The following GALNS variants were observed in gnomAD, a reference collection of about 807,000 sequenced individuals.
GALNS encodes N-acetylgalactosamine-6-sulfatase.
Under a neutral mutation model 65.9 loss-of-function variants are expected in GALNS, and 65 were observed. The ratio of observed to expected loss-of-function variants is 0.99; its 90% CI spans 0.81 to 1.21. GALNS has a LOEUF of 1.21. GALNS is among the 50% of genes most tolerant of loss of function. GALNS has a pLI of 0.00. For synonymous variants in GALNS, 346 were observed against 288.9 expected, an observed-to-expected ratio of 1.20 and a Z score of -2.00; for missense variants, 776 against 700.7, an observed-to-expected ratio of 1.11 and a Z score of -1.21.
chr16:88,852,014 C>T (rs966332184), intron 1 of GALNS, among the ~76,000 whole-genome samples: 3 of 152,210 alleles, frequency 2.0e-5, no homozygotes, highest in Admixed American at 6.5e-5. Flanking sequence ...GTGGTTCTCC[C>T]GGCACAGTGT....
chr16:88,816,798 G>T (rs1909673793), intron 13 of GALNS: 2 of 985,358 alleles, frequency 2.0e-6, no homozygotes, highest in South Asian at 9.4e-5. Flanking sequence ...GCTTCAGCTG[G>T]GCCTTTTCGC....
chr16:88,853,226 G>A (rs1967590047), intron 1 of GALNS, among the ~76,000 whole-genome samples: 1 of 142,722 alleles, frequency 7.0e-6, no homozygotes, highest in Non-Finnish European at 1.5e-5. Flanking sequence ...AATCCAGCCT[G>A]GGTGACCAGA....
chr16:88,856,116 G>A (rs1278258981), intron 1 of GALNS: 5 of 698,016 alleles, frequency 7.2e-6, no homozygotes, highest in South Asian at 1.5e-5. Context: ...AGGGAAGGAG[G>A]CCTCCAGGCT....
chr16:88,842,593 A>T, intron 2 of GALNS, 113 bp downstream of exon 2: 2 of 1,315,086 alleles, frequency 1.5e-6, no homozygotes, highest in Non-Finnish European at 1.1e-6. Context: ...TCCCTGCAGT[A>T]GTAGGAATAG....
intron 1 of GALNS, chr16:88,845,696 A>G (rs1967211576): frequency 1.3e-5 from 2 of 150,400 alleles, no homozygotes; most frequent in Admixed American, 1.3e-4. Context: ...GTGAGCCGAG[A>G]TTGTGCCACC....
chr16:88,820,750 A>AC (rs969070731), intron 12 of GALNS, among the ~76,000 whole-genome samples: 1 of 151,690 alleles, frequency 6.6e-6, no homozygotes, highest in Non-Finnish European at 1.5e-5. Context: ...GGCCCTGAGG[A>AC]CCCCCCTGTG....
rs749803679 is a variant in GALNS, at chr16:88,836,162, A to G, written c.633+39T>C. The G allele has an allele frequency of 1.9e-6, 3 of 1,592,664 alleles. No homozygotes were observed. The East Asian group carries it at 6.7e-5, about 36-fold the overall frequency. ...TGAGGTTGGTGCGGTCCCCGTCCCC[A>G]TGCGTCCCACAGGGCGAGGATGGTG... On this transcript the variant is annotated intron_variant, in intron 6 of 13. Coordinates refer to ENST00000268695, the MANE Select transcript of GALNS (RefSeq NM_000512.5).
Position 88,836,116 on chromosome 16 carries a change from G to C in GALNS, c.633+85C>G, listed in dbSNP as rs945934321. The C allele has an allele frequency of 3.8e-6, 5 of 1,322,812 alleles. No homozygotes were observed. In the African/African-American group the frequency reaches 5.9e-5, roughly 16 times the overall value. 81.9% of individuals were successfully genotyped at this position (1,322,812 alleles called of 1,614,324 possible). Reference sequence around the variant, plus strand: ...CACGGGGTGAGGTTGATGCATTCCTGTCCCCACGCCTCCCACAGGATGAGG... The same window carrying C: ...CACGGGGTGAGGTTGATGCATTCCTCTCCCCACGCCTCCCACAGGATGAGG... On this transcript the variant is annotated intron_variant, in intron 6 of 13. Coordinates refer to ENST00000268695, the MANE Select transcript of GALNS (RefSeq NM_000512.5).
At chr16:88,838,847 CCCGAGGCAGATTTCA>C (rs1440656614) in intron 4 of GALNS, 1 of 152,316 alleles carries the variant, frequency 6.6e-6, no homozygotes, top group Non-Finnish European at 1.5e-5. Context: ...CGCAGATTTC[CCCGAGGCAGATTTCA>C]CCACAGCAGA....
At chr16:88,856,520 G>A (rs970829055) in intron 1 of GALNS, 2 of 697,510 alleles carry the variant, frequency 2.9e-6, no homozygotes, top group Non-Finnish European at 5.2e-6. Context: ...TGACCGCCGA[G>A]ACCCCACGCC....
At chr16:88,839,939 C>A (rs1176974918) in intron 4 of GALNS, among the ~76,000 whole-genome samples, 2 of 152,238 alleles carry the variant, frequency 1.3e-5, no homozygotes, top group East Asian at 3.8e-4. Flanking sequence ...TTGGAGAGGC[C>A]ACCGGCTCTT....
At chr16:88,841,364 C>A (rs111612550) in intron 3 of GALNS, among the ~76,000 whole-genome samples, 6 of 152,300 alleles carry the variant, frequency 3.9e-5, no homozygotes, top group African/African-American at 1.4e-4. Context: ...TCCTGCCCAC[C>A]CTCAGGCCCC....
rs1314520034 is a variant in GALNS at position 88,835,246 on chromosome 16, T to A, written c.865A>T (p.Asn289Tyr). The A allele has an allele frequency of 6.2e-7, 1 of 1,604,120 alleles. No homozygotes were observed. Among genetic ancestry groups the A allele is most frequent in the African/African-American group, 1.3e-5 (1 of 74,808 alleles). The change falls in exon 8 of 14, where the codon AAC becomes TAC. Residue 289 changes from asparagine (N) to tyrosine (Y), a missense_variant. Physicochemically the swap from Asn to Tyr is moderately radical, Grantham distance 143. Coordinates refer to ENST00000268695, the MANE Select transcript of GALNS (RefSeq NM_000512.5). ...GGGGCGGAAATGAGGGCAGCGCCGT[T>A]GTCCGACGTGAAGAAGACGAAGGTG... The part of the protein sequence containing the change: ...DNTFVFFTSD[N>Y]GAALISAPEQ...
intron 13 of GALNS, chr16:88,816,707 C>G (rs1262256381): frequency 2.0e-6 from 2 of 985,350 alleles, no homozygotes; most frequent in Admixed American, 6.1e-5. Context: ...CCTGGCTGTT[C>G]AGAGCCACCA....
At chr16:88,848,097 G>T (rs147879696) in intron 1 of GALNS, among the ~76,000 whole-genome samples, 2 of 152,328 alleles carry the variant, frequency 1.3e-5, no homozygotes, top group African/African-American at 4.8e-5. Flanking sequence ...CAAGGCCCAT[G>T]AGCCGTAAGA....
At chr16:88,850,078 C>G (rs569115286) in intron 1 of GALNS, among the ~76,000 whole-genome samples, 11 of 152,370 alleles carry the variant, frequency 7.2e-5, no homozygotes, top group African/African-American at 2.4e-4. Flanking sequence ...AGTGCAGATT[C>G]ATCCTCTCAG....
At chr16:88,824,288 C>A (rs1910566784) in intron 11 of GALNS, among the ~76,000 whole-genome samples, 1 of 152,056 alleles carries the variant, frequency 6.6e-6, no homozygotes, top group South Asian at 2.1e-4. Flanking sequence ...CTGGCGCTGA[C>A]AATGCTGGGG....
intron 13 of GALNS, chr16:88,815,919 C>T (rs958033517): frequency 3.0e-6 from 3 of 985,426 alleles, no homozygotes; most frequent in Non-Finnish European, 3.6e-6. Context: ...GTCCAGGTGG[C>T]CACACTCCCT....
chr16:88,831,170 C>G (rs142428610), intron 9 of GALNS, among the ~76,000 whole-genome samples: 196 of 152,264 alleles, frequency 1.3e-3, no homozygotes, highest in Middle Eastern at 3.4e-3. Flanking sequence ...ACAGCAAGCC[C>G]TACACACCGA....
Sources: gnomAD v4.1 joint callset for allele counts (sites outside exome capture counted in the v4.1 genomes callset) on GRCh38, gnomAD v4.1.1 for gene constraint, MANE v1.5 for transcripts, NCBI Gene and HGNC (gene_info 2026-07-23, HGNC 2026-07-21) for gene names.